Variants in PRUNE2 observed in about 807,000 individuals in gnomAD.
PRUNE2 encodes protein prune homolog 2.
A neutral mutation model predicts 252.0 loss-of-function variants in PRUNE2; 164 were observed. That is an observed-to-expected ratio of 0.65 (90% CI 0.57 to 0.74). The LOEUF is 0.74. PRUNE2 is among the 30% of genes least tolerant of loss of function. The pLI is 0.00. For synonymous variants in PRUNE2, 1,292 were observed against 1,350.2 expected (o/e 0.96, Z 0.94); for missense variants, 3,495 against 3,711.0 (o/e 0.94, Z 1.51).
chr9:76,828,880 G>A (rs1448125566), intron 4 of PRUNE2, among the ~76,000 whole-genome samples: 8 of 151,880 alleles, frequency 5.3e-5, no homozygotes, highest in African/African-American at 9.7e-5. Flanking sequence ...AGCCAGGAGC[G>A]GTGGCGGGTG....
At chr9:76,677,351 T>A (rs982907809) in intron 9 of PRUNE2, among the ~76,000 whole-genome samples, 9 of 152,260 alleles carry the variant, frequency 5.9e-5, no homozygotes, top group Non-Finnish European at 1.0e-4. Context: ...GATTTTCACA[T>A]AGTATTTCTC....
At chr9:76,828,041 C>G (rs112660603) in intron 4 of PRUNE2, among the ~76,000 whole-genome samples, 1 of 152,074 alleles carries the variant, frequency 6.6e-6, no homozygotes, top group Non-Finnish European at 1.5e-5. Context: ...TTGAAGCTCA[C>G]GGGAGATTAG....
intron 9 of PRUNE2, among the ~76,000 whole-genome samples, chr9:76,694,804 A>G (rs1020798019): frequency 5.9e-5 from 9 of 152,294 alleles, no homozygotes; most frequent in African/African-American, 2.2e-4. Flanking sequence ...ACTGCAGTAA[A>G]TAGCATTCTA....
chr9:76,818,265 T>C (rs1209827105), intron 6 of PRUNE2, among the ~76,000 whole-genome samples: 1 of 152,184 alleles, frequency 6.6e-6, no homozygotes, highest in African/African-American at 2.4e-5. Context: ...GTGCATAAAA[T>C]TGGTAAACCA....
intron 12 of PRUNE2, chr9:76,641,856 CAGAA>C (rs1271219204): frequency 1.6e-6 from 2 of 1,263,514 alleles, no homozygotes; most frequent in Non-Finnish European, 2.2e-6. Context: ...GGAATGGAGA[CAGAA>C]GGAAAGATGT....
chr9:76,858,040 A>C (rs974113690), intron 1 of PRUNE2, among the ~76,000 whole-genome samples: 2 of 152,208 alleles, frequency 1.3e-5, no homozygotes, highest in African/African-American at 2.4e-5. Context: ...GATACAGTTC[A>C]AATTGTGCTA....
chr9:76,758,492 C>G (rs2051368042), intron 6 of PRUNE2: 1 of 150,194 alleles, frequency 6.7e-6, no homozygotes, highest in Non-Finnish European at 1.5e-5. Flanking sequence ...GTTGTTATAT[C>G]TTTAAAAAAA....
intron 15 of PRUNE2, among the ~76,000 whole-genome samples, chr9:76,636,023 T>C (rs371325642): frequency 5.3e-5 from 8 of 152,328 alleles, no homozygotes; most frequent in African/African-American, 1.7e-4. Context: ...TTGGTAGTTA[T>C]ATAAACGTTG....
chr9:76,702,009 T>C (rs2045923171), intron 9 of PRUNE2, among the ~76,000 whole-genome samples: 2 of 152,006 alleles, frequency 1.3e-5, no homozygotes, highest in African/African-American at 4.8e-5. Flanking sequence ...GGGTATGTGA[T>C]GTGTATAGTC....
At chr9:76,638,995 C>T (rs1016633102) in intron 12 of PRUNE2, among the ~76,000 whole-genome samples, 8 of 152,192 alleles carry the variant, frequency 5.3e-5, no homozygotes, top group African/African-American at 1.9e-4. Context: ...AAAACTGACA[C>T]ATTGGGCTCT....
At chr9:76,850,385 G>T in intron 3 of PRUNE2, 78 bp downstream of exon 3, 1 of 1,153,274 alleles carries the variant, frequency 8.7e-7, no homozygotes, top group Non-Finnish European at 1.3e-6. Context: ...AACCACAAAA[G>T]TCCTGAGTAA....
intron 6 of PRUNE2, among the ~76,000 whole-genome samples, chr9:76,724,303 C>A (rs1192854359): frequency 0.013 from 906 of 69,048 alleles, no homozygotes; most frequent in East Asian, 0.018. Context: ...GATAGAAATA[C>A]AAAAAAAAAA....
At chr9:76,716,258 G>A (rs1464862249) in intron 6 of PRUNE2, among the ~76,000 whole-genome samples, 2 of 152,282 alleles carry the variant, frequency 1.3e-5, no homozygotes, top group African/African-American at 4.8e-5. Context: ...ATGGCTCTAG[G>A]ACCTCGATGG....
chr9:76,704,152 T>C (rs2046121980), intron 8 of PRUNE2, 53 bp from the exon 9 acceptor site: 9 of 1,225,412 alleles, frequency 7.3e-6, no homozygotes, highest in Non-Finnish European at 1.0e-5. Context: ...AATTAACACA[T>C]TGTGTGATTT....
At position 76,687,379 on chromosome 9, in the gene PRUNE2, G is replaced by A. The variant is rs139728622; in HGVS notation, c.8276+15958C>T. On this transcript the variant is annotated intron_variant, in intron 9 of 18. Coordinates refer to ENST00000376718, the MANE Select transcript of PRUNE2 (RefSeq NM_015225.3). ...ATGTAGAAAAATATAATTGTTAAGG[G>A]GTAACACTGGTGGGCAATGGTGGCT... is the stretch of plus-strand genomic sequence containing the variant. Among the ~76,000 whole-genome samples the A allele has an allele frequency of 1.5e-3, 229 of 152,292 alleles. 1 individual carries two copies. The highest frequency in any genetic ancestry group is 5.2e-3 in the African/African-American group (217 of 41,550).
intron 6 of PRUNE2, chr9:76,788,312 C>A: frequency 1.6e-6 from 1 of 633,938 alleles, no homozygotes; most frequent in East Asian, 2.7e-5. Context: ...CATCTCTTAC[C>A]GTGGCTAGAG....
At chr9:76,771,663 A>C (rs1029845721) in intron 6 of PRUNE2, among the ~76,000 whole-genome samples, 2 of 152,224 alleles carry the variant, frequency 1.3e-5, no homozygotes. Flanking sequence ...TGAGTAAATG[A>C]ATTTTCAAAA....
chr9:76,736,341 T>C (rs774786659), intron 6 of PRUNE2, among the ~76,000 whole-genome samples: 2 of 152,168 alleles, frequency 1.3e-5, no homozygotes, highest in Non-Finnish European at 2.9e-5. Flanking sequence ...TGGTCTGGTA[T>C]CTAAAAGAAA....
intron 6 of PRUNE2, among the ~76,000 whole-genome samples, chr9:76,815,595 T>C (rs1376319279): frequency 6.6e-6 from 1 of 152,162 alleles, no homozygotes; most frequent in Non-Finnish European, 1.5e-5. Context: ...TCATTGGGGA[T>C]TAAATTTCAA....
Sources: gnomAD v4.1 joint callset for allele counts (sites outside exome capture counted in the v4.1 genomes callset) on GRCh38, gnomAD v4.1.1 for gene constraint, MANE v1.5 for transcripts, NCBI Gene and HGNC (gene_info 2026-07-23, HGNC 2026-07-21) for gene names.